Variants in LPA observed in about 807,000 individuals in gnomAD.
The protein encoded by LPA is lipoprotein(a).
LPA carries 199 observed loss-of-function variants against 197.9 expected under a neutral mutation model. The ratio of observed to expected loss-of-function variants is 1.01; its 90% CI spans 0.90 to 1.13. The LOEUF (loss-of-function observed/expected upper bound fraction) is 1.13. LPA is among the 50% of genes most tolerant of loss of function. The pLI, the probability that LPA is intolerant of heterozygous loss-of-function variation, is 0.00. For missense variants in LPA, 1,853 were observed against 1,785.8 expected (o/e 1.04, Z -0.68); for synonymous variants, 715 against 639.5 (o/e 1.12, Z -1.78).
At chr6:160,649,532 GT>G (rs1010066096) in intron 2 of LPA, among the ~76,000 whole-genome samples, 1 of 152,112 alleles carries the variant, frequency 6.6e-6, no homozygotes, top group East Asian at 1.9e-4. Context: ...GATGGCTACA[GT>G]TTTTTTTGGG....
intron 1 of LPA, among the ~76,000 whole-genome samples, chr6:160,656,071 G>C (rs945356517): frequency 2.0e-5 from 3 of 152,198 alleles, no homozygotes; most frequent in Non-Finnish European, 4.4e-5. Context: ...AACTGGTAGA[G>C]CAGCTGCAAT....
chr6:160,548,059 C>G, intron 31 of LPA, 122 bp from the exon 32 acceptor site: 1 of 977,170 alleles, frequency 1.0e-6, no homozygotes, highest in Non-Finnish European at 1.6e-6. Flanking sequence ...AATCAGGGGC[C>G]ACATCCCTCA....
At chr6:160,603,978 C>T (rs1046828852) in intron 18 of LPA, among the ~76,000 whole-genome samples, 1 of 152,152 alleles carries the variant, frequency 6.6e-6, no homozygotes, top group Non-Finnish European at 1.5e-5. Context: ...GGGCTCTGTC[C>T]TCTTTATTGA....
chr6:160,541,316 G>A (rs546158201), intron 34 of LPA, 135 bp from the exon 35 acceptor site: 34 of 721,754 alleles, frequency 4.7e-5, no homozygotes, highest in Admixed American at 8.1e-5. Context: ...ACCGCCCAAC[G>A]TCAGGATAGT....
chr6:160,652,189 A>G (rs1052276022), intron 1 of LPA, among the ~76,000 whole-genome samples: 3 of 152,064 alleles, frequency 2.0e-5, no homozygotes, highest in Admixed American at 6.6e-5. Flanking sequence ...AAAATCAACA[A>G]TCTGCAAATC....
At chr6:160,594,204 G>A in intron 21 of LPA, 87 bp from the exon 22 acceptor site, 1 of 1,529,528 alleles carries the variant, frequency 6.5e-7, no homozygotes, top group African/African-American at 1.4e-5. Flanking sequence ...CAGGATCATT[G>A]TCTCTGAGAA....
chr6:160,579,253 G>T (rs904213239), intron 26 of LPA, among the ~76,000 whole-genome samples: 1 of 152,026 alleles, frequency 6.6e-6, no homozygotes, highest in African/African-American at 2.4e-5. Context: ...CTCTACATTT[G>T]CAATATAAAA....
chr6:160,609,238 G>T (rs1450875962), intron 16 of LPA, among the ~76,000 whole-genome samples: 11 of 151,768 alleles, frequency 7.2e-5, no homozygotes, highest in Non-Finnish European at 1.3e-4. Context: ...TCTTTGTTTT[G>T]GGCAGTGCAC....
chr6:160,652,782 G>A (rs547616496), intron 1 of LPA, among the ~76,000 whole-genome samples: 10 of 152,138 alleles, frequency 6.6e-5, no homozygotes, highest in African/African-American at 2.2e-4. Flanking sequence ...TTGAGAGGGA[G>A]GAAGGAGAAG....
intron 38 of LPA, among the ~76,000 whole-genome samples, chr6:160,532,175 A>C (rs1777817269): frequency 1.3e-5 from 2 of 151,736 alleles, no homozygotes; most frequent in South Asian, 4.2e-4. Context: ...TAGCCTGGAC[A>C]TCATTGTTAA....
intron 19 of LPA, 55 bp downstream of exon 19, chr6:160,600,861 TC>T (rs1779224589): frequency 7.6e-6 from 12 of 1,578,944 alleles, no homozygotes; most frequent in Non-Finnish European, 1.0e-5. Flanking sequence ...AGTGGGGGTA[TC>T]CATGGCTTTT....
At chr6:160,575,549 T>C (rs1042254197) in intron 28 of LPA, among the ~76,000 whole-genome samples, 1 of 152,214 alleles carries the variant, frequency 6.6e-6, no homozygotes, top group Non-Finnish European at 1.5e-5. Context: ...ATTTTGGTCT[T>C]TCTGACTTGC....
chr6:160,563,015 C>A (rs1443561350), intron 28 of LPA, among the ~76,000 whole-genome samples: 2 of 152,086 alleles, frequency 1.3e-5, no homozygotes, highest in East Asian at 1.9e-4. Context: ...TTTCAAAAAA[C>A]CAGCTCTTGG....
At chr6:160,538,023 C>T (rs984566604) in intron 36 of LPA, 62 bp from the exon 37 acceptor site, 2 of 1,413,128 alleles carry the variant, frequency 1.4e-6, no homozygotes, top group African/African-American at 2.8e-5. Flanking sequence ...GTACCTACAA[C>T]CAGGCATCCC....
intron 28 of LPA, among the ~76,000 whole-genome samples, chr6:160,564,206 T>C (rs1390693841): frequency 6.6e-6 from 1 of 152,194 alleles, no homozygotes; most frequent in Non-Finnish European, 1.5e-5. Flanking sequence ...CTGTTACTGG[T>C]TTTTCCTTTC....
chr6:160,610,665 T>A (rs1042090198), intron 16 of LPA, among the ~76,000 whole-genome samples: 6 of 152,160 alleles, frequency 3.9e-5, no homozygotes, highest in Non-Finnish European at 7.3e-5. Flanking sequence ...AAACCAGTTC[T>A]TATTTGTAGC....
At chr6:160,578,740 G>A in intron 26 of LPA, 36 bp from the exon 27 acceptor site, 1 of 1,613,378 alleles carries the variant, frequency 6.2e-7, no homozygotes, top group Non-Finnish European at 8.5e-7. Context: ...CACCAGAGAT[G>A]GGAGAATATT....
chr6:160,585,280 G>T (rs1361761117), intron 25 of LPA, 75 bp from the exon 26 acceptor site: 6 of 1,422,732 alleles, frequency 4.2e-6, no homozygotes, highest in Admixed American at 1.7e-5. Flanking sequence ...GACACACAAA[G>T]TGGAATAATC....
At chr6:160,552,882 TTC>T (rs576623411) in intron 30 of LPA, among the ~76,000 whole-genome samples, 90 of 152,336 alleles carry the variant, frequency 5.9e-4, no homozygotes, top group Non-Finnish European at 1.1e-3. Context: ...GCTATGTATT[TTC>T]TGTTTACACC....
Sources: gnomAD v4.1 joint callset for allele counts (sites outside exome capture counted in the v4.1 genomes callset) on GRCh38, gnomAD v4.1.1 for gene constraint, MANE v1.5 for transcripts, NCBI Gene and HGNC (gene_info 2026-07-23, HGNC 2026-07-21) for gene names.